CSTPP1: variants seen among roughly 807,000 people sequenced by gnomAD.
CSTPP1 encodes centriolar satellite-associated tubulin polyglutamylase complex regulator 1.
chr11:47,094,680 TTTAGTCACA>T, the CSTPP1 span, among the ~76,000 whole-genome samples: 1 of 152,238 alleles, frequency 6.6e-6, no homozygotes, highest in Non-Finnish European at 1.5e-5. Flanking sequence ...AATTCAGTTA[TTTAGTCACA>T]TTAGTCACGT....
the CSTPP1 span, among the ~76,000 whole-genome samples, chr11:46,944,390 T>C: frequency 6.6e-6 from 1 of 151,960 alleles, no homozygotes; most frequent in East Asian, 1.9e-4. Context: ...CCTGTGTAGG[T>C]GCTCAATAAA....
the CSTPP1 span, among the ~76,000 whole-genome samples, chr11:47,123,997 T>C: frequency 1.3e-4 from 20 of 151,812 alleles, no homozygotes; most frequent in Non-Finnish European, 2.2e-4. Flanking sequence ...TTGTGCTACT[T>C]CCTCAACCAC....
At chr11:47,099,175 A>C in the CSTPP1 span, among the ~76,000 whole-genome samples, 3 of 152,292 alleles carry the variant, frequency 2.0e-5, no homozygotes, top group East Asian at 1.9e-4. Flanking sequence ...CTTTGAGCGA[A>C]TTATTTATCT....
chr11:46,951,606 G>A, the CSTPP1 span, among the ~76,000 whole-genome samples: 1 of 151,844 alleles, frequency 6.6e-6, no homozygotes, highest in East Asian at 1.9e-4. Flanking sequence ...ATATATAGAA[G>A]ATAATTTAAC....
the CSTPP1 span, among the ~76,000 whole-genome samples, chr11:47,106,854 A>G: frequency 6.6e-6 from 1 of 152,094 alleles, no homozygotes; most frequent in East Asian, 1.9e-4. Context: ...GTGGCTGTCA[A>G]CTTGGCTCAG....
the CSTPP1 span, among the ~76,000 whole-genome samples, chr11:47,113,806 AC>A: frequency 6.6e-6 from 1 of 151,662 alleles, no homozygotes; most frequent in African/African-American, 2.4e-5. Flanking sequence ...TTGCCTGTTC[AC>A]TCTGATGGTA....
At chr11:47,098,392 G>C in the CSTPP1 span, among the ~76,000 whole-genome samples, 2 of 151,958 alleles carry the variant, frequency 1.3e-5, no homozygotes, top group East Asian at 3.9e-4. Flanking sequence ...ATACTACTCT[G>C]GGGAGAAGGC....
the CSTPP1 span, among the ~76,000 whole-genome samples, chr11:47,013,401 C>T: frequency 6.6e-6 from 1 of 152,058 alleles, no homozygotes; most frequent in Non-Finnish European, 1.5e-5. Flanking sequence ...ATTCTCCCTC[C>T]TGCACCCCTC....
chr11:47,136,341 G>A, the CSTPP1 span, among the ~76,000 whole-genome samples: 1 of 152,088 alleles, frequency 6.6e-6, no homozygotes, highest in African/African-American at 2.4e-5. Flanking sequence ...CTCCCTTGAA[G>A]AACAAGACCT....
the CSTPP1 span, among the ~76,000 whole-genome samples, chr11:47,006,592 T>C: frequency 7.1e-6 from 1 of 139,914 alleles, no homozygotes; most frequent in Non-Finnish European, 1.5e-5. Context: ...CTCTGTCTCT[T>C]TTTTTTTTTT....
the CSTPP1 span, chr11:47,155,393 C>T: frequency 1.2e-6 from 1 of 826,950 alleles, no homozygotes; most frequent in Non-Finnish European, 2.0e-6. Flanking sequence ...TGCTTCACTG[C>T]GGGTCGCTAA....
the CSTPP1 span, among the ~76,000 whole-genome samples, chr11:47,057,093 T>C: frequency 6.6e-6 from 1 of 152,240 alleles, no homozygotes; most frequent in Non-Finnish European, 1.5e-5. Flanking sequence ...GTACTGATGC[T>C]AATTATCTTG....
At chr11:46,998,242 T>C in the CSTPP1 span, among the ~76,000 whole-genome samples, 1 of 152,218 alleles carries the variant, frequency 6.6e-6, no homozygotes, top group Non-Finnish European at 1.5e-5. Flanking sequence ...TTTTAGAAGC[T>C]GTATACTGTG....
chr11:46,995,762 G>T, the CSTPP1 span, among the ~76,000 whole-genome samples: 1 of 152,160 alleles, frequency 6.6e-6, no homozygotes, highest in Admixed American at 6.5e-5. Flanking sequence ...TGTTGATATG[G>T]GGTGGAGAGT....
At chr11:47,009,168 C>T in the CSTPP1 span, among the ~76,000 whole-genome samples, 1 of 152,142 alleles carries the variant, frequency 6.6e-6, no homozygotes, top group Non-Finnish European at 1.5e-5. Context: ...TTTATTCTCT[C>T]ATAACTTGGC....
At chr11:47,163,035 C>T in the CSTPP1 span, among the ~76,000 whole-genome samples, 1 of 152,012 alleles carries the variant, frequency 6.6e-6, no homozygotes, top group Admixed American at 6.6e-5. Flanking sequence ...CTTAGCCAGG[C>T]ATGGTAGCTT....
chr11:47,026,849 G>T, the CSTPP1 span, among the ~76,000 whole-genome samples: 1 of 152,164 alleles, frequency 6.6e-6, no homozygotes, highest in African/African-American at 2.4e-5. Context: ...CCACACTCCA[G>T]CCTGGATGAC....
the CSTPP1 span, among the ~76,000 whole-genome samples, chr11:47,013,496 A>G: frequency 6.6e-6 from 1 of 152,056 alleles, no homozygotes; most frequent in Non-Finnish European, 1.5e-5. Flanking sequence ...GAGAACATGC[A>G]GTGTTTGGTT....
At chr11:46,986,119 G>T in the CSTPP1 span, among the ~76,000 whole-genome samples, 1 of 152,292 alleles carries the variant, frequency 6.6e-6, no homozygotes, top group East Asian at 1.9e-4. Flanking sequence ...GAGAAACATA[G>T]TTAAATTATA....
Sources: allele counts gnomAD v4.1 joint callset (sites outside exome capture counted in the v4.1 genomes callset), GRCh38; gene constraint gnomAD v4.1.1; transcripts MANE v1.5; gene names NCBI Gene and HGNC (gene_info 2026-07-23, HGNC 2026-07-21).